The following ITGB1 variants were observed in gnomAD, a reference collection of about 807,000 sequenced individuals.
The protein encoded by ITGB1 is integrin subunit beta 1, also known as integrin beta-1.
In ITGB1, 24 loss-of-function variants were observed where a neutral mutation model predicts 86.5. The observed-to-expected ratio is 0.28, with a 90% confidence interval of 0.20 to 0.39. ITGB1 has a LOEUF of 0.39. ITGB1 is among the 10% of genes least tolerant of loss of function. The pLI, the probability that ITGB1 is intolerant of heterozygous loss-of-function variation, is 1.00. For missense variants in ITGB1, 556 were observed against 946.9 expected, an observed-to-expected ratio of 0.59 and a Z score of 5.42; for synonymous variants, 323 against 316.8, an observed-to-expected ratio of 1.02 and a Z score of -0.21.
At chr10:32,948,262 A>G (rs997952873) in intron 1 of ITGB1, among the ~76,000 whole-genome samples, 2 of 152,188 alleles carry the variant, frequency 1.3e-5, no homozygotes, top group African/African-American at 2.4e-5. Context: ...TTCCTGACAA[A>G]TGTGTTCATA....
rs187449589 is a variant in ITGB1 at position 32,914,081 on chromosome 10, G to A, written c.1470-1957C>T. On this transcript the variant is annotated intron_variant, in intron 11 of 15. Coordinates refer to ENST00000302278, the MANE Select transcript of ITGB1 (RefSeq NM_002211.4). ...AAGCCAAACTAAGCTTTAAGTGAAAGAGAAATAAAATCCTTTACAGACAAG... is the reference window on the plus strand; with the variant it reads ...AAGCCAAACTAAGCTTTAAGTGAAAAAGAAATAAAATCCTTTACAGACAAG... Among the ~76,000 whole-genome samples, 1,071 of 152,260 alleles carry A rather than the reference G, an allele frequency of 7.0e-3. 11 individuals carry two copies. The highest frequency in any genetic ancestry group is 0.025 in the African/African-American group (1,022 of 41,550).
At chr10:32,930,465 C>T (rs1252595718) in intron 3 of ITGB1, among the ~76,000 whole-genome samples, 3 of 152,096 alleles carry the variant, frequency 2.0e-5, no homozygotes, top group Non-Finnish European at 4.4e-5. Flanking sequence ...CTCTCCCCAT[C>T]GCAATATGCT....
chr10:32,923,937 C>G (rs564617574), intron 6 of ITGB1, among the ~76,000 whole-genome samples, 197 bp from the exon 7 acceptor site: 1 of 152,330 alleles, frequency 6.6e-6, no homozygotes, highest in East Asian at 1.9e-4. Flanking sequence ...CCATGTACAA[C>G]GATATCTTGC....
chr10:32,919,708 A>T (rs2094942705), intron 11 of ITGB1, among the ~76,000 whole-genome samples, 177 bp downstream of exon 11: 2 of 152,166 alleles, frequency 1.3e-5, no homozygotes, highest in South Asian at 4.2e-4. Flanking sequence ...GGCAGGAAGG[A>T]ACTTTCTATA....
intron 1 of ITGB1, among the ~76,000 whole-genome samples, chr10:32,954,380 C>T (rs544312002): frequency 2.6e-5 from 4 of 152,170 alleles, no homozygotes; most frequent in Non-Finnish European, 5.9e-5. Flanking sequence ...ATCAGTTCTC[C>T]CTCCCAAATA....
chr10:32,911,328 G>A (rs1292692156), intron 13 of ITGB1, 120 bp downstream of exon 13: 4 of 800,044 alleles, frequency 5.0e-6, no homozygotes, highest in Non-Finnish European at 8.1e-6. Flanking sequence ...GCTTCCACAT[G>A]GCAGGCATTT....
At chr10:32,903,791 G>A (rs1016270097) in intron 15 of ITGB1, among the ~76,000 whole-genome samples, 3 of 152,114 alleles carry the variant, frequency 2.0e-5, no homozygotes, top group Admixed American at 1.3e-4. Context: ...TTCAAAATGG[G>A]GGTCAGGAAA....
chr10:32,938,708 T>C (rs2095010226), intron 1 of ITGB1, among the ~76,000 whole-genome samples: 1 of 152,208 alleles, frequency 6.6e-6, no homozygotes, highest in African/African-American at 2.4e-5. Context: ...TCAACGATCC[T>C]GCGACTGGCG....
intron 1 of ITGB1, among the ~76,000 whole-genome samples, chr10:32,946,749 TGG>T (rs35757367): frequency 0.12 from 2,918 of 25,180 alleles, 420 homozygotes; most frequent in African/African-American, 0.34. Context: ...TATGTATTTC[TGG>T]GGGGGGGGGG....
chr10:32,915,903 C>T (rs569916463), intron 11 of ITGB1, among the ~76,000 whole-genome samples: 28 of 152,216 alleles, frequency 1.8e-4, no homozygotes, highest in Non-Finnish European at 3.5e-4. Context: ...AACATCGATG[C>T]AAAAATCCTC....
At chr10:32,951,373 T>C (rs1447917992) in intron 1 of ITGB1, among the ~76,000 whole-genome samples, 1 of 151,846 alleles carries the variant, frequency 6.6e-6, no homozygotes, top group Non-Finnish European at 1.5e-5. Flanking sequence ...CGTTGTCTAA[T>C]GGTGATCTCA....
chr10:32,915,413 C>T (rs185861920), intron 11 of ITGB1, among the ~76,000 whole-genome samples: 4,259 of 152,006 alleles, frequency 0.028, 214 homozygotes, highest in African/African-American at 0.097. Flanking sequence ...ATTGACAGAC[C>T]GCTAGCAAGA....
At chr10:32,911,145 T>C (rs897341942) in intron 13 of ITGB1, among the ~76,000 whole-genome samples, 28 of 152,380 alleles carry the variant, frequency 1.8e-4, no homozygotes, top group African/African-American at 4.8e-4. Context: ...AAGAAATTGG[T>C]AATGACAAAT....
chr10:32,940,201 T>C (rs562319744), intron 1 of ITGB1, among the ~76,000 whole-genome samples: 3 of 151,936 alleles, frequency 2.0e-5, no homozygotes, highest in Admixed American at 2.0e-4. Context: ...AAAAATTAGC[T>C]TGGCGTGGTG....
chr10:32,910,372 T>C lies in ITGB1; in HGVS notation c.2015A>G (p.Lys672Arg), dbSNP rs768272306. Reference sequence around the variant, plus strand: ...GGGTAATTTGTCCCGACTTTCTACCTTGGTAATGTTAAAATAGGAACATTC... The same window carrying C: ...GGGTAATTTGTCCCGACTTTCTACCCTGGTAATGTTAAAATAGGAACATTC... ...TQECSYFNITKVESRDKLPQP... is the reference protein window; with the variant it reads ...TQECSYFNITRVESRDKLPQP... The change falls in exon 14 of 16, where the codon AAG becomes AGG. Residue 672 changes from lysine (K) to arginine (R), a missense_variant. Lys to Arg is a conservative substitution (Grantham distance 26). This residue lies in a region of ITGB1 where 330 missense variants were observed against 531.5 expected (regional missense o/e 0.62). Coordinates refer to ENST00000302278, the MANE Select transcript of ITGB1 (RefSeq NM_002211.4). 1.2e-6 allele frequency: 2 copies of C among 1,600,290 alleles called. No individual in the cohort carries two copies. Among genetic ancestry groups the C allele is most frequent in the Non-Finnish European group, 1.7e-6 (2 of 1,167,590 alleles).
chr10:32,911,999 A>G lies in ITGB1; in HGVS notation c.1595T>C (p.Val532Ala). The change falls in exon 12 of 16, where the codon GTC becomes GCC. Residue 532 changes from valine (V) to alanine (A), a missense_variant. Transcript: ENST00000302278. ...CTTCCTACAAACACACTGTCCGCAG[A>G]CGCACTCTCCATTGTTACTGCAGAT... Reference protein sequence around the residue: ...SEICSNNGECVCGQCVCRKRD... With the variant: ...SEICSNNGECACGQCVCRKRD... The G allele has an allele frequency of 6.2e-7, 1 of 1,614,148 alleles. No homozygotes were observed.
intron 1 of ITGB1, 89 bp from the exon 2 acceptor site, chr10:32,935,647 A>G: frequency 1.1e-6 from 1 of 898,338 alleles, no homozygotes; most frequent in Non-Finnish European, 1.8e-6. Context: ...CGTACCTTCT[A>G]TTGCTTTTAT....
At chr10:32,929,638 G>C (rs1374741503) in intron 4 of ITGB1, among the ~76,000 whole-genome samples, 184 bp downstream of exon 4, 2 of 152,062 alleles carry the variant, frequency 1.3e-5, no homozygotes, top group African/African-American at 4.8e-5. Context: ...ATTATTCCAA[G>C]TAAATATGTC....
chr10:32,936,461 T>TC (rs1228287319), intron 1 of ITGB1, among the ~76,000 whole-genome samples: 6 of 151,766 alleles, frequency 4.0e-5, no homozygotes, highest in African/African-American at 1.5e-4. Context: ...AAAATCAACT[T>TC]CTATGCATGC....
Sources: gnomAD v4.1 joint callset for allele counts (sites outside exome capture counted in the v4.1 genomes callset) on GRCh38, gnomAD v4.1.1 for gene constraint, gnomAD v4.1.1 regional missense constraint, MANE v1.5 for transcripts, NCBI Gene and HGNC (gene_info 2026-07-23, HGNC 2026-07-21) for gene names.